Variants in MLLT3 observed in about 807,000 individuals in gnomAD.
MLLT3 encodes protein AF-9.
MLLT3 carries 4 observed loss-of-function variants against 53.2 expected under a neutral mutation model. That is an observed-to-expected ratio of 0.08 (90% confidence interval 0.04 to 0.17). The LOEUF (loss-of-function observed/expected upper bound fraction) is 0.17, where lower values mean the gene tolerates loss of function less well. MLLT3 is among the 10% of genes least tolerant of loss of function. The pLI is 1.00. For missense variants in MLLT3, 569 were observed against 684.0 expected (o/e 0.83, Z 1.87); for synonymous variants, 283 against 230.6 (o/e 1.23, Z -2.06).
At chr9:20,349,059 G>C (rs1820946393) in intron 10 of MLLT3, among the ~76,000 whole-genome samples, 1 of 152,120 alleles carries the variant, frequency 6.6e-6, no homozygotes, top group Non-Finnish European at 1.5e-5. Context: ...TTATGCAATG[G>C]AGGCAAATAA....
chr9:20,423,823 G>A (rs1823076593), intron 4 of MLLT3, among the ~76,000 whole-genome samples: 1 of 151,840 alleles, frequency 6.6e-6, no homozygotes, highest in Admixed American at 6.6e-5. Flanking sequence ...TGAGTGTGGT[G>A]GTGGTGCATG....
At chr9:20,436,259 T>C (rs539108190) in intron 4 of MLLT3, among the ~76,000 whole-genome samples, 2 of 152,334 alleles carry the variant, frequency 1.3e-5, no homozygotes, top group Admixed American at 6.5e-5. Flanking sequence ...CCAAAAATTA[T>C]GATTGCCTCT....
chr9:20,414,115 T>C lies in MLLT3; in HGVS notation c.731A>G (p.Glu244Gly). 1 of 1,613,766 alleles carries C rather than the reference T, an allele frequency of 6.2e-7. No homozygotes were observed. The highest frequency in any genetic ancestry group is 8.5e-7 in the Non-Finnish European group (1 of 1,179,930). Residue 244 changes from glutamate (E) to glycine (G), a missense_variant, in exon 5 of 11, where the codon GAA (glutamate) becomes GGA (glycine). Physicochemically the swap from Glu to Gly is moderately conservative, Grantham distance 98 (BLOSUM62 -2). Coordinates refer to ENST00000380338, the MANE Select transcript of MLLT3 (RefSeq NM_004529.4). ...GGCCATCTTAGGAACTATTTTCTCT[T>C]CTTTCAGTGGTTTATTTTCTTTGGG... ...KKPKENKPLK[E>G]EKIVPKMAFK...
At chr9:20,559,452 G>T (rs1819145161) in intron 2 of MLLT3, among the ~76,000 whole-genome samples, 1 of 152,180 alleles carries the variant, frequency 6.6e-6, no homozygotes, top group African/African-American at 2.4e-5. Context: ...CCAGTGCAAA[G>T]GGTAAGAATA....
At chr9:20,372,132 G>A (rs910349762) in intron 5 of MLLT3, among the ~76,000 whole-genome samples, 1 of 152,208 alleles carries the variant, frequency 6.6e-6, no homozygotes, top group Non-Finnish European at 1.5e-5. Context: ...TTGAATGGAT[G>A]AGGAGTTGCT....
intron 2 of MLLT3, chr9:20,532,701 C>A: frequency 3.9e-6 from 1 of 258,982 alleles, no homozygotes; most frequent in Admixed American, 4.6e-5. Context: ...CCAAAAGGGA[C>A]TTAACTCGCT....
At chr9:20,535,672 C>T (rs1310066310) in intron 2 of MLLT3, among the ~76,000 whole-genome samples, 1 of 152,174 alleles carries the variant, frequency 6.6e-6, no homozygotes, top group Non-Finnish European at 1.5e-5. Context: ...ACAATACGTA[C>T]TGACCAGCCC....
chr9:20,501,757 CAAAAAAAAAAAAAAA>C (rs936828819), intron 2 of MLLT3, among the ~76,000 whole-genome samples: 664 of 18,594 alleles, frequency 0.036, 7 homozygotes, highest in Admixed American at 0.078. Context: ...GACTCCGTCT[CAAAAAAAAAAAAAAA>C]AAAAAAAAAA....
At position 20,620,827 on chromosome 9, in the gene MLLT3, A is replaced by G; in HGVS notation, c.20T>C (p.Val7Ala). MASSCA[V>A]QVKLELGHRA... ...GTGCCCCAGCTCCAGCTTCACCTGCACGGCACACTGCGGGCAGGGGGAGGA... is the reference window on the plus strand; with the variant it reads ...GTGCCCCAGCTCCAGCTTCACCTGCGCGGCACACTGCGGGCAGGGGGAGGA... Residue 7 changes from valine (V) to alanine (A), a missense_variant, in exon 2 of 11, where the codon GTG becomes GCG. Physicochemically the swap from Val to Ala is moderately conservative, Grantham distance 64. Coordinates refer to ENST00000380338, the MANE Select transcript of MLLT3 (RefSeq NM_004529.4). This position sits in a 1 kb window ranked among gnomAD's most constrained non-coding sequence, Gnocchi z 6.1. 1.2e-6 allele frequency: 2 copies of G among 1,613,898 alleles called. No homozygotes were observed. The highest frequency in any genetic ancestry group is 1.7e-6 in the Non-Finnish European group (2 of 1,179,920).
rs201231680 is a variant in MLLT3 at position 20,464,695 on chromosome 9, G to GA, written c.194-7910dup. On this transcript the variant is annotated intron_variant, in intron 2 of 10. Coordinates refer to ENST00000380338, the MANE Select transcript of MLLT3 (RefSeq NM_004529.4). ...GGGAGGGTATGTGTTGGCCTGGCAG[G>GA]AAAAAATGACATTTATATTGGTTAC... Among the ~76,000 whole-genome samples, 666 of 152,024 alleles carry GA rather than the reference G, an allele frequency of 4.4e-3. 7 individuals are homozygous for GA. Among genetic ancestry groups the GA allele is most frequent in the African/African-American group, 0.016 (643 of 41,468 alleles).
In MLLT3 at chr9:20,346,157, T is replaced by C; in HGVS notation, c.*286A>G. On this transcript the variant is annotated 3_prime_UTR_variant, in exon 11 of 11. Transcript: ENST00000380338. The stretch of plus-strand genomic sequence containing the variant: ...TGAGTTTTCTTGTGTTGTGTTTGAT[T>C]TGTTTGTTTTCAAGGCTATCCAGGC... The C allele has an allele frequency of 2.9e-6, 1 of 341,828 alleles. No individual in the cohort carries two copies. The highest frequency in any genetic ancestry group is 5.4e-6 in the Non-Finnish European group (1 of 186,268). 21.2% of individuals were successfully genotyped at this position (341,828 alleles called of 1,614,324 possible).
chr9:20,540,084 C>T (rs1197909374), intron 2 of MLLT3, among the ~76,000 whole-genome samples: 1 of 152,232 alleles, frequency 6.6e-6, no homozygotes, highest in Non-Finnish European at 1.5e-5. Flanking sequence ...CCACTGACTT[C>T]GTGTCTCACA....
At chr9:20,346,599 T>C (rs144605915) in intron 10 of MLLT3, 25 bp from the exon 11 acceptor site, 1 of 1,608,052 alleles carries the variant, frequency 6.2e-7, no homozygotes, top group Non-Finnish European at 8.5e-7. Flanking sequence ...AAGAGAAAGT[T>C]TGGGCAATAC....
chr9:20,358,301 T>C (rs1821224661), intron 8 of MLLT3, among the ~76,000 whole-genome samples: 1 of 152,140 alleles, frequency 6.6e-6, no homozygotes, highest in South Asian at 2.1e-4. Context: ...GGTATATATA[T>C]TTCCTAACCC....
intron 2 of MLLT3, among the ~76,000 whole-genome samples, chr9:20,562,980 C>T (rs540218384): frequency 6.6e-6 from 1 of 152,278 alleles, no homozygotes; most frequent in African/African-American, 2.4e-5. Context: ...GGAACACCTA[C>T]CGTCCCCCAT....
intron 5 of MLLT3, among the ~76,000 whole-genome samples, chr9:20,405,748 A>G (rs1199523581): frequency 6.6e-6 from 1 of 152,368 alleles, no homozygotes; most frequent in South Asian, 2.1e-4. Flanking sequence ...CTCAGAGAGG[A>G]TAACACAAAC....
At chr9:20,585,242 G>T (rs1405066166) in intron 2 of MLLT3, among the ~76,000 whole-genome samples, 1 of 152,108 alleles carries the variant, frequency 6.6e-6, no homozygotes, top group Non-Finnish European at 1.5e-5. Flanking sequence ...CGGGGGGCAG[G>T]CAGGCCTCTT....
At chr9:20,566,169 T>C (rs187158857) in intron 2 of MLLT3, among the ~76,000 whole-genome samples, 32 of 150,408 alleles carry the variant, frequency 2.1e-4, no homozygotes, top group African/African-American at 7.3e-4. Flanking sequence ...CTGAGCATAG[T>C]GGCTCATGCC....
intron 2 of MLLT3, among the ~76,000 whole-genome samples, chr9:20,566,014 T>TTTA (rs1563820812): frequency 1.8e-4 from 23 of 128,184 alleles, no homozygotes; most frequent in African/African-American, 6.8e-4. Flanking sequence ...ATATATATTT[T>TTTA]TATATATATT....
Sources: gnomAD v4.1 joint callset for allele counts (sites outside exome capture counted in the v4.1 genomes callset) on GRCh38, gnomAD v4.1.1 for gene constraint, Gnocchi (gnomAD v3.1) non-coding constraint, MANE v1.5 for transcripts, NCBI Gene and HGNC (gene_info 2026-07-23, HGNC 2026-07-21) for gene names.